Variants in RGPD2 observed in about 807,000 individuals in gnomAD.
The protein encoded by RGPD2 is RANBP2-like and GRIP domain-containing protein 2.
RGPD2 carries 2 observed loss-of-function variants against 36.0 expected under a neutral mutation model. The observed-to-expected ratio is 0.06, with a 90% confidence interval of 0.02 to 0.17. RGPD2 has a LOEUF of 0.17. Ranked by LOEUF, RGPD2 falls within the 10% of genes least tolerant of loss-of-function variation. The probability of loss-of-function intolerance (pLI) is 1.00; values close to 1 mark genes in which losing one functional copy is unlikely to be tolerated. For missense variants in RGPD2, 40 were observed against 464.3 expected, an observed-to-expected ratio of 0.09 and a Z score of 8.40; for synonymous variants, 19 against 163.8, an observed-to-expected ratio of 0.12 and a Z score of 6.75.
chr2:87,961,466 C>G, the RGPD2 span, among the ~76,000 whole-genome samples: 7 of 151,810 alleles, frequency 4.6e-5, no homozygotes, highest in East Asian at 3.9e-4. Flanking sequence ...TTTGGGAGGC[C>G]GAGGCGGGCG....
At chr2:87,836,788 A>G in the RGPD2 span, among the ~76,000 whole-genome samples, 2 of 152,152 alleles carry the variant, frequency 1.3e-5, no homozygotes, top group African/African-American at 4.8e-5. Flanking sequence ...GCACAGAGTG[A>G]CAAATTGGGT....
chr2:87,978,869 G>C, the RGPD2 span, among the ~76,000 whole-genome samples: 1 of 147,476 alleles, frequency 6.8e-6, no homozygotes, highest in Non-Finnish European at 1.5e-5. Context: ...AGCCAACTAC[G>C]ATAGCATCAC....
chr2:87,983,598 C>T, the RGPD2 span, among the ~76,000 whole-genome samples: 14 of 127,376 alleles, frequency 1.1e-4, no homozygotes, highest in South Asian at 2.1e-3. Context: ...GGAGGAGGGA[C>T]ACAAAACAAA....
the RGPD2 span, among the ~76,000 whole-genome samples, chr2:87,857,281 T>A: frequency 6.6e-6 from 1 of 152,234 alleles, no homozygotes; most frequent in Non-Finnish European, 1.5e-5. Context: ...TATGGCTTAC[T>A]AAATAAGTAA....
intron 19 of RGPD2, among the ~76,000 whole-genome samples, 171 bp from the exon 20 acceptor site, chr2:87,784,518 T>TA (rs1195620830): frequency 6.6e-6 from 1 of 152,098 alleles, no homozygotes; most frequent in Non-Finnish European, 1.5e-5. Flanking sequence ...GGCACTGTTC[T>TA]AAGCACTTTA....
chr2:87,769,811 T>C (rs1685073638), intron 22 of RGPD2, among the ~76,000 whole-genome samples: 2 of 151,250 alleles, frequency 1.3e-5, no homozygotes, highest in African/African-American at 4.8e-5. Context: ...TACTCTTAGG[T>C]GACTAGAAGT....
chr2:87,832,320 A>C, the RGPD2 span, among the ~76,000 whole-genome samples: 2 of 150,756 alleles, frequency 1.3e-5, no homozygotes, highest in Non-Finnish European at 3.0e-5. Context: ...TTAAATGTAC[A>C]TGTACTAAAC....
At chr2:87,830,229 G>T (rs1219612312), upstream of RGPD2, among the ~76,000 whole-genome samples, 1 of 152,234 alleles carries the variant, frequency 6.6e-6, no homozygotes, top group Non-Finnish European at 1.5e-5. Flanking sequence ...CTGAGACTTT[G>T]CAGGGTACAG....
intron 4 of RGPD2, among the ~76,000 whole-genome samples, chr2:87,815,286 G>A (rs1233804881): frequency 2.6e-5 from 1 of 38,916 alleles, no homozygotes; most frequent in Non-Finnish European, 4.3e-5. Flanking sequence ...TCAGACTTTG[G>A]AATATTTGCA....
the RGPD2 span, among the ~76,000 whole-genome samples, chr2:87,988,547 T>TTTGTTTTG: frequency 6.0e-5 from 2 of 33,080 alleles, no homozygotes; most frequent in African/African-American, 1.0e-4. Flanking sequence ...ATATATTTTT[T>TTTGTTTTG]TTTTTTCTTT....
the RGPD2 span, among the ~76,000 whole-genome samples, chr2:87,910,228 GCA>G: frequency 7.1e-6 from 1 of 141,632 alleles, no homozygotes; most frequent in African/African-American, 2.6e-5. Flanking sequence ...TGGAGTATTT[GCA>G]CAGACACTTT....
the RGPD2 span, among the ~76,000 whole-genome samples, chr2:87,988,695 C>T: frequency 3.0e-4 from 46 of 151,376 alleles, no homozygotes; most frequent in African/African-American, 4.8e-5. Flanking sequence ...AGTGCACCAC[C>T]ACACCCCGCT....
the RGPD2 span, among the ~76,000 whole-genome samples, chr2:87,866,807 T>C: frequency 6.6e-6 from 1 of 152,158 alleles, no homozygotes. Context: ...GCCAGGGGCC[T>C]CACGTGGCTA....
intron 6 of RGPD2, among the ~76,000 whole-genome samples, chr2:87,809,645 A>C (rs1686091181): frequency 6.9e-6 from 1 of 145,222 alleles, no homozygotes; most frequent in South Asian, 2.3e-4. Context: ...TGATTAACTG[A>C]TCTGACAAAC....
chr2:87,857,563 C>G, the RGPD2 span, among the ~76,000 whole-genome samples: 3 of 150,616 alleles, frequency 2.0e-5, no homozygotes, highest in African/African-American at 7.3e-5. Context: ...AGGATGGTCT[C>G]GATCTCCTGA....
At chr2:87,877,804 C>CAAAAAAAAAAA in the RGPD2 span, among the ~76,000 whole-genome samples, 788 of 84,488 alleles carry the variant, frequency 9.3e-3, 5 homozygotes, top group Non-Finnish European at 0.014. Context: ...GACTCCGTCT[C>CAAAAAAAAAAA]AAAAAAAAAA....
At chr2:87,916,810 C>T in the RGPD2 span, among the ~76,000 whole-genome samples, 147 of 150,676 alleles carry the variant, frequency 9.8e-4, no homozygotes, top group Non-Finnish European at 1.8e-3. Flanking sequence ...TTATAAATGA[C>T]CCAGTCTCAA....
the RGPD2 span, among the ~76,000 whole-genome samples, chr2:87,844,300 T>C: frequency 1.4e-5 from 2 of 147,486 alleles, no homozygotes; most frequent in Non-Finnish European, 3.0e-5. Flanking sequence ...CTTATTCTGA[T>C]ACACGGTTTC....
At chr2:87,924,622 A>C in the RGPD2 span, among the ~76,000 whole-genome samples, 1 of 152,216 alleles carries the variant, frequency 6.6e-6, no homozygotes, top group East Asian at 1.9e-4. Flanking sequence ...TAATAAATGT[A>C]TTAGTAGCTA....
Sources: gnomAD v4.1 joint callset for allele counts (sites outside exome capture counted in the v4.1 genomes callset) on GRCh38, gnomAD v4.1.1 for gene constraint, MANE v1.5 for transcripts, NCBI Gene and HGNC (gene_info 2026-07-23, HGNC 2026-07-21) for gene names.